The following CUX1 variants were observed in gnomAD, a reference collection of about 807,000 sequenced individuals.
CUX1 encodes cut like homeobox 1.
In CUX1, 31 loss-of-function variants were observed where a neutral mutation model predicts 158.8. That is an observed-to-expected ratio of 0.20 (90% CI 0.15 to 0.26). The LOEUF is 0.26. CUX1 is among the 10% of genes least tolerant of loss of function. CUX1 has a pLI of 1.00. For synonymous variants in CUX1, 879 were observed against 862.1 expected, an observed-to-expected ratio of 1.02 and a Z score of -0.34; for missense variants, 1,589 against 2,014.6, an observed-to-expected ratio of 0.79 and a Z score of 4.04.
At chr7:102,088,373 C>G (rs1828164801) in intron 4 of CUX1, among the ~76,000 whole-genome samples, 1 of 152,142 alleles carries the variant, frequency 6.6e-6, no homozygotes, top group African/African-American at 2.4e-5. Context: ...TGGCTTATGC[C>G]TGTAATCCCA....
intron 2 of CUX1, among the ~76,000 whole-genome samples, chr7:101,948,455 G>T (rs1485388094): frequency 6.6e-6 from 1 of 151,878 alleles, no homozygotes; most frequent in Non-Finnish European, 1.5e-5. Flanking sequence ...TTATAATAAA[G>T]TCGAGCCTTT....
chr7:102,104,855 G>T (rs1315770353), intron 6 of CUX1, among the ~76,000 whole-genome samples: 2 of 152,192 alleles, frequency 1.3e-5, no homozygotes, highest in African/African-American at 4.8e-5. Flanking sequence ...TCGCGCCACT[G>T]CACTCCAGCC....
chr7:102,227,224 C>A, intron 20 of CUX1, 143 bp from the exon 21 acceptor site: 1 of 701,058 alleles, frequency 1.4e-6, no homozygotes, highest in Non-Finnish European at 2.4e-6. Flanking sequence ...AAATATGAAA[C>A]AGTTCACTAA....
intron 1 of CUX1, among the ~76,000 whole-genome samples, chr7:101,821,584 C>T (rs1006383208): frequency 7.3e-5 from 11 of 151,314 alleles, no homozygotes; most frequent in African/African-American, 2.4e-4. Context: ...GTGATCCGCC[C>T]GCCTTGGCCT....
rs763323114 is a variant in CUX1, at chr7:101,821,849, G to GTTTTTTTTT, written c.30+4187_30+4188insTTTTTTTTT. On this transcript the variant is annotated intron_variant, in intron 1 of 23. Coordinates refer to ENST00000292535, the MANE Select transcript of CUX1 (RefSeq NM_181552.4). Reference sequence around the variant, plus strand: ...GCCACCATGCCTGGCTAGTTTTTTTGTTTTTTTGTTTTTTTTTTTTTTTGA... The same window carrying GTTTTTTTTT: ...GCCACCATGCCTGGCTAGTTTTTTTGTTTTTTTTTTTTTTTTGTTTTTTTTTTTTTTTGA... 3.4e-3 allele frequency among the ~76,000 whole-genome samples: 240 copies of GTTTTTTTTT among 69,746 alleles called. 4 individuals are homozygous for GTTTTTTTTT. The highest frequency in any genetic ancestry group is 4.7e-3 in the Non-Finnish European group (160 of 33,990). The allele number at this position is 69,746 out of a possible 152,430, so 45.8% of individuals were successfully genotyped here.
At chr7:101,877,731 A>G (rs891300081) in intron 1 of CUX1, among the ~76,000 whole-genome samples, 1 of 151,074 alleles carries the variant, frequency 6.6e-6, no homozygotes, top group Non-Finnish European at 1.5e-5. Context: ...ACACTTTTCA[A>G]ATCAGTACAT....
intron 8 of CUX1, among the ~76,000 whole-genome samples, chr7:102,136,888 T>A (rs1833965387): frequency 6.6e-6 from 1 of 152,232 alleles, no homozygotes. Flanking sequence ...GAGACAGATC[T>A]TTTATTTCAT....
chr7:102,064,087 A>T (rs1250829192), intron 3 of CUX1, among the ~76,000 whole-genome samples: 1 of 152,202 alleles, frequency 6.6e-6, no homozygotes, highest in East Asian at 1.9e-4. Flanking sequence ...AGTGTGAGGC[A>T]TGGCAGGAGG....
chr7:102,113,712 C>G (rs1212031156), intron 7 of CUX1, among the ~76,000 whole-genome samples: 1 of 152,086 alleles, frequency 6.6e-6, no homozygotes, highest in African/African-American at 2.4e-5. Flanking sequence ...CAAACACCAC[C>G]ACACATGGCT....
intron 2 of CUX1, among the ~76,000 whole-genome samples, chr7:101,984,788 G>A (rs867725129): frequency 2.6e-5 from 4 of 152,170 alleles, no homozygotes; most frequent in South Asian, 2.1e-4. Flanking sequence ...AAAATAAACC[G>A]CGCAAGAAGA....
chr7:102,060,578 T>A (rs1490761191), intron 3 of CUX1, among the ~76,000 whole-genome samples: 6 of 130,646 alleles, frequency 4.6e-5, no homozygotes, highest in Admixed American at 3.3e-4. Context: ...CACACATATA[T>A]ACATATATAT....
chr7:102,193,576 G>T (rs782112839), intron 12 of CUX1, among the ~76,000 whole-genome samples: 1 of 152,044 alleles, frequency 6.6e-6, no homozygotes. Context: ...AGGCTGAGGC[G>T]GGTGGATCAC....
In CUX1 at chr7:102,201,383, G is replaced by A. The variant is rs1468087102; in HGVS notation, c.2086G>A (p.Ala696Thr). ...KTAEPAQPSS[A>T]SGSGNSDDAI... The stretch of plus-strand genomic sequence containing the variant: ...AGCAGAGCCGGCCCAGCCTTCCTCC[G>A]CATCCGGCAGCGGGAACTCTGATGA... Residue 696 changes from alanine (A) to threonine (T), a missense_variant, in exon 18 of 24, where the codon GCA (alanine) becomes ACA (threonine). Physicochemically the swap from Ala to Thr is moderately conservative, Grantham distance 58 (BLOSUM62 0). Coordinates refer to ENST00000292535, the MANE Select transcript of CUX1 (RefSeq NM_181552.4). The surrounding 1 kb of genome is among the most constrained non-coding windows in gnomAD (Gnocchi z 5.0). The A allele has an allele frequency of 2.0e-5, 32 of 1,613,506 alleles. No individual in the cohort carries two copies. Among genetic ancestry groups the A allele is most frequent in the Middle Eastern group, 1.6e-4 (1 of 6,078 alleles).
At chr7:102,064,593 G>A (rs1329781033) in intron 3 of CUX1, among the ~76,000 whole-genome samples, 1 of 152,192 alleles carries the variant, frequency 6.6e-6, no homozygotes, top group African/African-American at 2.4e-5. Context: ...CGGGTGTGTG[G>A]GGGGCATGAA....
chr7:101,912,642 G>A (rs1369349839), intron 1 of CUX1, among the ~76,000 whole-genome samples: 1 of 152,184 alleles, frequency 6.6e-6, no homozygotes, highest in Admixed American at 6.5e-5. Context: ...GTATCCCTCT[G>A]GAGATAATCA....
chr7:102,158,519 C>T (rs1554505992), intron 8 of CUX1, 41 bp from the exon 9 acceptor site: 2 of 1,608,680 alleles, frequency 1.2e-6, no homozygotes, highest in South Asian at 2.2e-5. Flanking sequence ...CTGAGCCGGT[C>T]TCCTTGTGAC....
At chr7:102,203,851 C>G (rs531978671) in intron 18 of CUX1, among the ~76,000 whole-genome samples, 2 of 152,248 alleles carry the variant, frequency 1.3e-5, no homozygotes, top group African/African-American at 4.8e-5. Flanking sequence ...CTCCCCAGGT[C>G]CCACCAGCTC....
chr7:102,020,897 A>G (rs868612719), intron 2 of CUX1, among the ~76,000 whole-genome samples: 272 of 151,610 alleles, frequency 1.8e-3, no homozygotes, highest in Middle Eastern at 3.4e-3. Context: ...AAAAAAAAAA[A>G]GAAATTACAA....
chr7:101,826,293 G>T (rs1305618497), intron 1 of CUX1, among the ~76,000 whole-genome samples: 2 of 151,894 alleles, frequency 1.3e-5, no homozygotes, highest in African/African-American at 4.8e-5. Context: ...TGACCTCCCG[G>T]GCTCAAGCAA....
Sources: allele counts gnomAD v4.1 joint callset (sites outside exome capture counted in the v4.1 genomes callset), GRCh38; gene constraint gnomAD v4.1.1; non-coding constraint Gnocchi (gnomAD v3.1); transcripts MANE v1.5; gene names NCBI Gene and HGNC (gene_info 2026-07-23, HGNC 2026-07-21).